Variants in SNX8 observed in about 807,000 individuals in gnomAD.
SNX8 encodes the protein sorting nexin-8.
SNX8 carries 25 observed loss-of-function variants against 51.6 expected under a neutral mutation model. That is an observed-to-expected ratio of 0.48 (90% CI 0.35 to 0.68). The LOEUF (loss-of-function observed/expected upper bound fraction) is 0.68. Ranked by LOEUF, SNX8 falls within the 30% of genes least tolerant of loss-of-function variation. The pLI is 0.00. For missense variants in SNX8, 695 were observed against 624.0 expected, an observed-to-expected ratio of 1.11 and a Z score of -1.21; for synonymous variants, 324 against 277.0, an observed-to-expected ratio of 1.17 and a Z score of -1.68.
chr7:2,348,175 T>C (rs1779068574), intron 1 of SNX8, among the ~76,000 whole-genome samples: 1 of 152,084 alleles, frequency 6.6e-6, no homozygotes, highest in South Asian at 2.1e-4. Context: ...AAGATCGCCA[T>C]CTGTAGGTGA....
intron 1 of SNX8, among the ~76,000 whole-genome samples, chr7:2,349,825 C>G (rs1424906403): frequency 6.6e-6 from 1 of 152,114 alleles, no homozygotes; most frequent in African/African-American, 2.4e-5. Flanking sequence ...CTCAACCTTC[C>G]AGGCTCAAGC....
chr7:2,333,222 G>T (rs528116569), intron 1 of SNX8, among the ~76,000 whole-genome samples: 1 of 151,878 alleles, frequency 6.6e-6, no homozygotes, highest in Non-Finnish European at 1.5e-5. Flanking sequence ...CCAAGCCCAG[G>T]AGTTTGAGAC....
chr7:2,296,798 C>T (rs780512786), intron 1 of SNX8, among the ~76,000 whole-genome samples: 18 of 151,662 alleles, frequency 1.2e-4, no homozygotes, highest in Non-Finnish European at 2.1e-4. Context: ...GGCATGGTGG[C>T]GGACACCTGT....
chr7:2,348,260 C>A (rs566034504), intron 1 of SNX8, among the ~76,000 whole-genome samples: 2 of 151,402 alleles, frequency 1.3e-5, no homozygotes, highest in African/African-American at 4.9e-5. Context: ...CTAGCTCCCC[C>A]TCTAGCCTGC....
chr7:2,299,460 T>A (rs1311277254), intron 1 of SNX8: 1 of 152,136 alleles, frequency 6.6e-6, no homozygotes, highest in Non-Finnish European at 1.5e-5. Flanking sequence ...AAAGGGCCCA[T>A]TGGACTTCAG....
At chr7:2,309,313 G>A (rs1796613468) in intron 1 of SNX8, among the ~76,000 whole-genome samples, 1 of 152,194 alleles carries the variant, frequency 6.6e-6, no homozygotes, top group African/African-American at 2.4e-5. Context: ...CATGAGGTCA[G>A]GAGTTTGAGA....
chr7:2,275,438 G>A lies in SNX8; in HGVS notation c.301-209C>T, dbSNP rs372015604. Among the ~76,000 whole-genome samples the A allele has an allele frequency of 9.8e-5, 15 of 152,306 alleles. No individual in the cohort carries two copies. The East Asian group carries it at 1.3e-3, about 14-fold the overall frequency. ...TCTTAGGCCGGGTGCGGTGGCTCCC[G>A]CCTGTAATCTCAGCATTCTGGGAGG... On this transcript the variant is annotated intron_variant, in intron 2 of 10. Transcript: ENST00000222990.
chr7:2,263,214 G>A lies in SNX8; in HGVS notation c.915+16C>T, dbSNP rs541460425. On this transcript the variant is annotated intron_variant, in intron 7 of 10. Transcript: ENST00000222990. ...TGTTCTCTGGAACAGGCGCCTGGGA[G>A]AACCGATCCACTCACCTGTTGTGCA... 8 of 1,613,370 alleles carry A rather than the reference G, an allele frequency of 5.0e-6. No homozygotes were observed. The highest frequency in any genetic ancestry group is 2.7e-5 in the African/African-American group (2 of 75,074).
chr7:2,314,534 G>T (rs1300562214), upstream of SNX8: 2 of 1,037,698 alleles, frequency 1.9e-6, no homozygotes, highest in Admixed American at 5.3e-5. Flanking sequence ...TCCCCCGCGC[G>T]CCACGCCCAC....
chr7:2,264,845 A>C (rs1317491327), intron 5 of SNX8, among the ~76,000 whole-genome samples: 1 of 151,884 alleles, frequency 6.6e-6, no homozygotes, highest in African/African-American at 2.4e-5. Flanking sequence ...GACCAGCCTG[A>C]CCAATATGGT....
chr7:2,328,845 G>A (rs1224386122), intron 1 of SNX8, among the ~76,000 whole-genome samples: 1 of 152,032 alleles, frequency 6.6e-6, no homozygotes, highest in Non-Finnish European at 1.5e-5. Context: ...CAGCACTTTG[G>A]GAGGCCGAGG....
At chr7:2,316,324 C>CACAA (rs1796756295), upstream of SNX8, among the ~76,000 whole-genome samples, 6 of 149,828 alleles carry the variant, frequency 4.0e-5, no homozygotes, top group Admixed American at 2.0e-4. Flanking sequence ...CATTCATTCA[C>CACAA]CCACCCACTC....
intron 10 of SNX8, 44 bp from the exon 11 acceptor site, chr7:2,255,213 G>A (rs1256937013): frequency 7.8e-7 from 1 of 1,283,450 alleles, no homozygotes. Context: ...GCGGGGCCGG[G>A]GCTCCTCCTC....
At chr7:2,320,177 G>A (rs890033406) in intron 1 of SNX8, among the ~76,000 whole-genome samples, 4 of 151,690 alleles carry the variant, frequency 2.6e-5, no homozygotes, top group Non-Finnish European at 5.9e-5. Flanking sequence ...CCAACATGAA[G>A]AAACCCCCTC....
intron 1 of SNX8, among the ~76,000 whole-genome samples, chr7:2,327,105 T>G (rs1242424830): frequency 1.3e-5 from 2 of 152,300 alleles, no homozygotes; most frequent in East Asian, 3.9e-4. Context: ...TCCTTCTTGC[T>G]TCTTCCAGCT....
chr7:2,294,840 C>A (rs1026867889), intron 1 of SNX8, among the ~76,000 whole-genome samples: 6 of 151,844 alleles, frequency 4.0e-5, no homozygotes, highest in African/African-American at 1.5e-4. Flanking sequence ...TGGAGACCAG[C>A]CCGGGGAACA....
chr7:2,288,430 T>C (rs1796081968), intron 1 of SNX8: 1 of 166,054 alleles, frequency 6.0e-6, no homozygotes, highest in Admixed American at 6.6e-5. Flanking sequence ...CAGAGATAAA[T>C]TTCTGTCATG....
chr7:2,302,870 C>G (rs1291928268), intron 1 of SNX8, among the ~76,000 whole-genome samples: 3 of 151,506 alleles, frequency 2.0e-5, no homozygotes, highest in Non-Finnish European at 3.0e-5. Context: ...GCCTGGCAAC[C>G]GCCCCGTCTG....
chr7:2,314,531 C>T (rs979504061), upstream of SNX8: 109 of 1,057,926 alleles, frequency 1.0e-4, no homozygotes, highest in African/African-American at 1.7e-3. Context: ...CCCTCCCCCG[C>T]GCGCCACGCC....
Sources: allele counts gnomAD v4.1 joint callset (sites outside exome capture counted in the v4.1 genomes callset), GRCh38; gene constraint gnomAD v4.1.1; transcripts MANE v1.5; gene names NCBI Gene and HGNC (gene_info 2026-07-23, HGNC 2026-07-21).